CA5A: variants seen among roughly 807,000 people sequenced by gnomAD.
The protein encoded by CA5A is carbonic anhydrase 5A.
CA5A carries 28 observed loss-of-function variants against 37.1 expected under a neutral mutation model. The ratio of observed to expected loss-of-function variants is 0.75; its 90% CI spans 0.56 to 1.03. CA5A has a LOEUF of 1.03. CA5A is among the 50% of genes least tolerant of loss of function. The pLI is 0.00. For synonymous variants in CA5A, 171 were observed against 158.4 expected (o/e 1.08, Z -0.60); for missense variants, 444 against 399.9 (o/e 1.11, Z -0.94).
At chr16:87,933,263 T>A (rs186886864) in intron 1 of CA5A, among the ~76,000 whole-genome samples, 2 of 152,384 alleles carry the variant, frequency 1.3e-5, no homozygotes, top group East Asian at 3.9e-4. Context: ...GTGTAAATAC[T>A]TTCACCATGG....
At chr16:87,884,338 C>A (rs933599330), downstream of CA5A, 8 of 145,834 alleles carry the variant, frequency 5.5e-5, no homozygotes, top group African/African-American at 1.8e-4. Context: ...GAGGCTGAGG[C>A]GGGCAGATCA....
intron 6 of CA5A, among the ~76,000 whole-genome samples, chr16:87,888,857 A>T (rs942079704): frequency 6.6e-6 from 1 of 151,490 alleles, no homozygotes; most frequent in Non-Finnish European, 1.5e-5. Context: ...GGTTCAAGCG[A>T]TTCTCCTGCC....
At chr16:87,917,748 CACA>C (rs2056172244) in intron 2 of CA5A, among the ~76,000 whole-genome samples, 1 of 98,778 alleles carries the variant, frequency 1.0e-5, no homozygotes, top group African/African-American at 7.9e-5. Context: ...CACACATGCA[CACA>C]TGTATACACA....
At position 87,902,460 on chromosome 16, in the gene CA5A, C is replaced by T; in HGVS notation, c.520G>A (p.Glu174Lys). 4 of 1,612,708 alleles carry T rather than the reference C, an allele frequency of 2.5e-6. No homozygotes were observed. The highest frequency in any genetic ancestry group is 3.4e-6 in the Non-Finnish European group (4 of 1,178,716). ...ACGCCTATCACAGCCAAACCATTCT[C>T]TCCCACGACAGCTTCCTTGTAATTT... is the stretch of plus-strand genomic sequence containing the variant. ...YQNYKEAVVG[E>K]NGLAVIGVFL... Residue 174 changes from glutamate to lysine, a missense_variant, in exon 4 of 7, where the codon GAG becomes AAG. Coordinates refer to ENST00000649794, the MANE Select transcript of CA5A (RefSeq NM_001739.2).
intron 2 of CA5A, among the ~76,000 whole-genome samples, chr16:87,907,364 G>A (rs1244599595): frequency 3.9e-5 from 6 of 152,254 alleles, no homozygotes; most frequent in Non-Finnish European, 7.4e-5. Flanking sequence ...GTTTGCAGCC[G>A]ACCAGCCCCA....
downstream of CA5A, chr16:87,884,981 T>C (rs2055637344): frequency 6.6e-6 from 1 of 152,252 alleles, no homozygotes; most frequent in Non-Finnish European, 1.5e-5. Flanking sequence ...CTGACCAACA[T>C]GGAGAAACCC....
intron 2 of CA5A, among the ~76,000 whole-genome samples, chr16:87,924,941 C>G (rs999033072): frequency 1.3e-5 from 2 of 152,226 alleles, no homozygotes; most frequent in African/African-American, 4.8e-5. Flanking sequence ...GCCATCCCTT[C>G]TCTCCCCAAT....
At chr16:87,893,110 ATTTCTTTCTTTCTTCC>A (rs1261737368) in intron 5 of CA5A, 2 of 615,018 alleles carry the variant, frequency 3.3e-6, no homozygotes. Flanking sequence ...GCCTAGAGAC[ATTTCTTTCTTTCTTCC>A]TTTCTTTCTT....
rs570682941 is a variant in CA5A at position 87,888,178 on chromosome 16, C to T, written c.869G>A (p.Arg290Gln). ...NYRPLQPLMN[R>Q]KVWASFQATN... ...GGCCTGGAAGGACGCCCAGACCTTC[C>T]GGTTCATCAAGGGTTGAAGTGGGCG... The change falls in exon 7 of 7, where the codon CGG (arginine) becomes CAG (glutamine). Residue 290 changes from arginine (R) to glutamine (Q), a missense_variant. Coordinates refer to ENST00000649794, the MANE Select transcript of CA5A (RefSeq NM_001739.2). 2.9e-5 allele frequency: 47 copies of T among 1,613,910 alleles called. No homozygotes were observed. In the East Asian group the frequency reaches 3.6e-4, roughly 12 times the overall value.
At chr16:87,929,661 A>G (rs1314449569) in intron 1 of CA5A, among the ~76,000 whole-genome samples, 2 of 151,762 alleles carry the variant, frequency 1.3e-5, no homozygotes, top group Non-Finnish European at 2.9e-5. Context: ...TCACGAGGTC[A>G]GGAGATCGAG....
chr16:87,896,729 C>T (rs747806090), intron 5 of CA5A, among the ~76,000 whole-genome samples: 2 of 152,236 alleles, frequency 1.3e-5, no homozygotes, highest in South Asian at 2.1e-4. Flanking sequence ...CAACCTCCAC[C>T]GCCCAGGTTC....
chr16:87,897,821 C>A (rs1048858843), intron 5 of CA5A, among the ~76,000 whole-genome samples: 1 of 152,164 alleles, frequency 6.6e-6, no homozygotes, highest in African/African-American at 2.4e-5. Flanking sequence ...GAATCACAGG[C>A]CCTGCCCCGT....
chr16:87,911,464 G>A lies in CA5A; in HGVS notation c.341-6560C>T, dbSNP rs2056051546. ...GATGAGCAGGCTTTTGGCAGGCACG[G>A]GTTGTTTGAAGGCTTAAAATTAGTA... is the stretch of plus-strand genomic sequence containing the variant. On this transcript the variant is annotated intron_variant, in intron 2 of 6. Transcript: ENST00000649794. The surrounding 1 kb of genome is among the most constrained non-coding windows in gnomAD (Gnocchi z 4.6). Among the ~76,000 whole-genome samples, 1 of 152,176 alleles carries A rather than the reference G, an allele frequency of 6.6e-6. No homozygotes were observed. Among genetic ancestry groups the A allele is most frequent in the East Asian group, 1.9e-4 (1 of 5,200 alleles).
intron 5 of CA5A, among the ~76,000 whole-genome samples, chr16:87,901,596 T>TC (rs1555520629): frequency 6.7e-6 from 1 of 148,624 alleles, no homozygotes; most frequent in Non-Finnish European, 1.5e-5. Context: ...TCTTTTCTTT[T>TC]TTTTTTTTTG....
chr16:87,897,660 C>T (rs747124693), intron 5 of CA5A, among the ~76,000 whole-genome samples: 6 of 152,176 alleles, frequency 3.9e-5, no homozygotes, highest in Non-Finnish European at 8.8e-5. Context: ...TGACTGCATG[C>T]GGGAGGTGGG....
chr16:87,924,881 G>T (rs947706624), intron 2 of CA5A, among the ~76,000 whole-genome samples: 1 of 152,234 alleles, frequency 6.6e-6, no homozygotes, highest in African/African-American at 2.4e-5. Context: ...ATGTGGTGCT[G>T]AGTGCCGGCC....
At chr16:87,890,836 C>A (rs34271025) in intron 6 of CA5A, among the ~76,000 whole-genome samples, 30 of 151,858 alleles carry the variant, frequency 2.0e-4, no homozygotes, top group Non-Finnish European at 4.1e-4. Flanking sequence ...CTCTTGTTGT[C>A]CAGGCTGGAG....
chr16:87,916,279 G>A lies in CA5A; in HGVS notation c.340+10469C>T, dbSNP rs1347046430. ...GTGGATAGCTTGAGGTTGGGAGTTCGAGACCAGCCTGGCCCACATGGTGAA... is the reference window on the plus strand; with the variant it reads ...GTGGATAGCTTGAGGTTGGGAGTTCAAGACCAGCCTGGCCCACATGGTGAA... On this transcript the variant is annotated intron_variant, in intron 2 of 6. Transcript: ENST00000649794. Among the ~76,000 whole-genome samples, 9 of 152,118 alleles carry A rather than the reference G, an allele frequency of 5.9e-5. No homozygotes were observed. The South Asian group carries it at 6.2e-4, about 10-fold the overall frequency.
chr16:87,892,055 T>C (rs753369704), intron 5 of CA5A, 101 bp from the exon 6 acceptor site: 9 of 1,150,782 alleles, frequency 7.8e-6, no homozygotes, highest in Non-Finnish European at 8.3e-6. Flanking sequence ...TGGAAGGAAG[T>C]GCTTTCCCCC....
Sources: allele counts gnomAD v4.1 joint callset (sites outside exome capture counted in the v4.1 genomes callset), GRCh38; gene constraint gnomAD v4.1.1; non-coding constraint Gnocchi (gnomAD v3.1); transcripts MANE v1.5; gene names NCBI Gene and HGNC (gene_info 2026-07-23, HGNC 2026-07-21).